Variants in PARD3 observed in about 807,000 individuals in gnomAD.
The protein encoded by PARD3 is par-3 family cell polarity regulator.
A neutral mutation model predicts 155.4 loss-of-function variants in PARD3; 75 were observed. The observed-to-expected ratio is 0.48, with a 90% CI of 0.40 to 0.58. The LOEUF (loss-of-function observed/expected upper bound fraction) is 0.58, where lower values mean the gene tolerates loss of function less well. PARD3 is among the 20% of genes least tolerant of loss of function. PARD3 has a pLI of 0.00. For synonymous variants in PARD3, 576 were observed against 610.5 expected (o/e 0.94, Z 0.83); for missense variants, 1,642 against 1,721.7 (o/e 0.95, Z 0.82).
chr10:34,237,479 T>G (rs1042345463), intron 22 of PARD3, among the ~76,000 whole-genome samples: 3 of 152,206 alleles, frequency 2.0e-5, no homozygotes, highest in African/African-American at 7.2e-5. Context: ...ACAACCATGA[T>G]AGTTTTTTGT....
intron 5 of PARD3, among the ~76,000 whole-genome samples, chr10:34,413,747 A>AT (rs1376917643): frequency 1.3e-5 from 2 of 152,198 alleles, no homozygotes; most frequent in African/African-American, 2.4e-5. Flanking sequence ...ATATATGAGG[A>AT]TTTTTTAAAA....
Position 34,728,231 on chromosome 10 carries a change from T to C in PARD3, c.121-31812A>G, listed in dbSNP as rs533522328. On this transcript the variant is annotated intron_variant, in intron 1 of 24. Coordinates refer to ENST00000374788, the MANE Select transcript of PARD3 (RefSeq NM_001184785.2). ...ATACTGTTTTTAGAAAACACTCAAA[T>C]TTAGGCTCTTGAATATTTGACAAAA... 5.3e-5 allele frequency among the ~76,000 whole-genome samples: 8 copies of C among 152,306 alleles called. No individual in the cohort carries two copies. The East Asian group carries it at 1.5e-3, about 29-fold the overall frequency.
chr10:34,389,068 A>C (rs1436423951), intron 7 of PARD3, among the ~76,000 whole-genome samples: 1 of 152,122 alleles, frequency 6.6e-6, no homozygotes, highest in Non-Finnish European at 1.5e-5. Flanking sequence ...GATGGAGCTG[A>C]AACATCCCCA....
At position 34,354,587 on chromosome 10, in the gene PARD3, C is replaced by T. The variant is rs73256793; in HGVS notation, c.2067+4560G>A. 3.7e-3 allele frequency among the ~76,000 whole-genome samples: 556 copies of T among 152,004 alleles called. 1 individual carries two copies. The highest frequency in any genetic ancestry group is 0.012 in the African/African-American group (517 of 41,446). ...CAGCTGCTGGGTGAAGGGGAGTACA[C>T]GGGGCTATGAAAATCCTTTGGAAGA... On this transcript the variant is annotated intron_variant, in intron 14 of 24. Transcript: ENST00000374788.
chr10:34,356,721 G>A lies in PARD3; in HGVS notation c.2067+2426C>T, dbSNP rs546747612. Among the ~76,000 whole-genome samples, 26 of 152,248 alleles carry A rather than the reference G, an allele frequency of 1.7e-4. No individual in the cohort carries two copies. The East Asian group carries it at 3.7e-3, about 21-fold the overall frequency. On this transcript the variant is annotated intron_variant, in intron 14 of 24. Transcript: ENST00000374788. ...TGTGCAAAGGAGAAGGTTTTCCTAA[G>A]GTAATGCATAAGTACAACAGCTGAA... is the stretch of plus-strand genomic sequence containing the variant.
chr10:34,397,580 G>A (rs969967552), intron 7 of PARD3, among the ~76,000 whole-genome samples: 10 of 152,196 alleles, frequency 6.6e-5, no homozygotes, highest in African/African-American at 2.2e-4. Context: ...ACCAGAAACT[G>A]TGGTGGATTT....
At chr10:34,670,260 G>A (rs1451294568) in intron 2 of PARD3, among the ~76,000 whole-genome samples, 2 of 152,160 alleles carry the variant, frequency 1.3e-5, no homozygotes, top group African/African-American at 2.4e-5. Context: ...AAAACACAAG[G>A]GACGCCTTCA....
At chr10:34,361,508 G>A (rs1839437530) in intron 12 of PARD3, among the ~76,000 whole-genome samples, 1 of 152,054 alleles carries the variant, frequency 6.6e-6, no homozygotes, top group Admixed American at 6.5e-5. Flanking sequence ...GTCCTAATAA[G>A]AATAAAAATC....
intron 1 of PARD3, among the ~76,000 whole-genome samples, chr10:34,801,069 A>G (rs1372557560): frequency 6.6e-6 from 1 of 152,236 alleles, no homozygotes; most frequent in Non-Finnish European, 1.5e-5. Context: ...ACACTTGAGT[A>G]TTCTGGAAAG....
At chr10:34,264,669 G>A (rs1326828239) in intron 22 of PARD3, among the ~76,000 whole-genome samples, 7 of 151,744 alleles carry the variant, frequency 4.6e-5, no homozygotes, top group Admixed American at 2.0e-4. Flanking sequence ...TCAGAACTAC[G>A]TCACATGGTC....
chr10:34,675,690 T>A (rs966187469), intron 2 of PARD3: 4 of 196,388 alleles, frequency 2.0e-5, no homozygotes, highest in Admixed American at 1.4e-4. Context: ...AGATTCCTTA[T>A]AACTTCCATA....
chr10:34,800,794 A>ACT (rs1350673665), intron 1 of PARD3, among the ~76,000 whole-genome samples: 1 of 151,376 alleles, frequency 6.6e-6, no homozygotes. Flanking sequence ...ATAGGCAGAT[A>ACT]AATAATGCCC....
At chr10:34,717,946 G>T (rs1481594841) in intron 1 of PARD3, among the ~76,000 whole-genome samples, 1 of 152,050 alleles carries the variant, frequency 6.6e-6, no homozygotes, top group East Asian at 1.9e-4. Context: ...CTGAGCTCAG[G>T]AGTTCGAGAC....
chr10:34,581,589 A>G (rs2087495209), intron 2 of PARD3, among the ~76,000 whole-genome samples: 1 of 152,104 alleles, frequency 6.6e-6, no homozygotes, highest in Non-Finnish European at 1.5e-5. Context: ...GAGTTATAGA[A>G]TTTTGGAAGT....
chr10:34,584,776 C>CA (rs1003024030), intron 2 of PARD3, among the ~76,000 whole-genome samples: 1 of 151,836 alleles, frequency 6.6e-6, no homozygotes, highest in Non-Finnish European at 1.5e-5. Flanking sequence ...ACTGGGCAGA[C>CA]AAAAAAATAG....
intron 20 of PARD3, among the ~76,000 whole-genome samples, chr10:34,286,931 G>T (rs1407340201): frequency 2.0e-5 from 3 of 152,166 alleles, no homozygotes; most frequent in South Asian, 2.1e-4. Context: ...TGCTGATGGG[G>T]AGGTCATGGA....
intron 2 of PARD3, among the ~76,000 whole-genome samples, chr10:34,662,304 T>C (rs2093344224): frequency 6.6e-6 from 1 of 152,116 alleles, no homozygotes. Flanking sequence ...ACACTGTTGG[T>C]AGGAATGTAA....
intron 12 of PARD3, among the ~76,000 whole-genome samples, chr10:34,371,789 G>C (rs769603684): frequency 3.1e-4 from 47 of 151,992 alleles, no homozygotes; most frequent in Non-Finnish European, 2.6e-4. Flanking sequence ...AAAAGATCCT[G>C]ATTGTTAGAA....
At chr10:34,750,462 AACACACAC>A (rs71033348) in intron 1 of PARD3, among the ~76,000 whole-genome samples, 7,366 of 135,830 alleles carry the variant, frequency 0.054, 217 homozygotes, top group Middle Eastern at 0.09. Flanking sequence ...CTCTCTTTCA[AACACACAC>A]ACACACACAC....
Sources: gnomAD v4.1 joint callset for allele counts (sites outside exome capture counted in the v4.1 genomes callset) on GRCh38, gnomAD v4.1.1 for gene constraint, MANE v1.5 for transcripts, NCBI Gene and HGNC (gene_info 2026-07-23, HGNC 2026-07-21) for gene names.